ZNF836: variants seen among roughly 807,000 people sequenced by gnomAD.
ZNF836 encodes the protein zinc finger protein 836.
Under a neutral mutation model 7.4 loss-of-function variants are expected in ZNF836, and 12 were observed. That is an observed-to-expected ratio of 1.61 (90% CI 1.03 to 2.61). ZNF836 has a LOEUF of 2.61. Ranked by LOEUF, ZNF836 falls within the 30% of genes most tolerant of loss-of-function variation. ZNF836 has a pLI of 0.00. For missense variants in ZNF836, 998 were observed against 1,126.2 expected (o/e 0.89, Z 1.63); for synonymous variants, 365 against 382.6 (o/e 0.95, Z 0.54).
intron 4 of ZNF836, among the ~76,000 whole-genome samples, chr19:52,157,834 G>A (rs1237555106): frequency 1.3e-5 from 2 of 152,110 alleles, no homozygotes; most frequent in Non-Finnish European, 2.9e-5. Context: ...CCCACAAAGT[G>A]CTGGGATTAC....
In ZNF836 at chr19:52,156,639, A is replaced by G; in HGVS notation, c.1044T>C (p.His348=). Reference sequence around the variant, plus strand: ...GTTTCTCTCCTGTATGGATTATCTGATGTGTAGTGAGGCATGAGCCTTGTT... The same window carrying G: ...GTTTCTCTCCTGTATGGATTATCTGGTGTGTAGTGAGGCATGAGCCTTGTT... ...TFKQGSCLTT[H]QIIHTGEKPY... is the part of the protein sequence containing the mutation. Residue 348 remains histidine (H), a synonymous_variant, in exon 5 of 5, where the codon CAT becomes CAC. Coordinates refer to ENST00000682614, the MANE Select transcript of ZNF836 (RefSeq NM_001102657.3). 1 of 1,613,418 alleles carries G rather than the reference A, an allele frequency of 6.2e-7. No individual in the cohort carries two copies. The highest frequency in any genetic ancestry group is 2.2e-5 in the East Asian group (1 of 44,870).
chr19:52,171,208 G>C (rs1313575771), intron 1 of ZNF836, 128 bp downstream of exon 1: 4 of 152,436 alleles, frequency 2.6e-5, no homozygotes, highest in Admixed American at 6.5e-5. Context: ...GCAGAGGTCA[G>C]TAAGGGTTTT....
At chr19:52,164,128 C>T (rs949947322) in intron 3 of ZNF836, among the ~76,000 whole-genome samples, 2 of 151,358 alleles carry the variant, frequency 1.3e-5, no homozygotes, top group African/African-American at 2.4e-5. Context: ...CAGTGGCTCA[C>T]GACCTGTAAT....
Position 52,154,910 on chromosome 19 carries a change from T to C in ZNF836, c.2773A>G (p.Lys925Glu). 6.5e-7 allele frequency: 1 copy of C among 1,537,754 alleles called. No individual in the cohort carries two copies. Residue 925 changes from lysine (K) to glutamate (E), a missense_variant, in exon 5 of 5, where the codon AAG becomes GAG. Transcript: ENST00000682614. ...ESLKTKFNVE[K>E]PLDVLLTSGF... is the part of the protein sequence containing the mutation. ...GAAGTTAGGAGAACATCTAAAGGCT[T>C]TTCCACATTGAATTTTGTTTTAAGA...
intron 4 of ZNF836, chr19:52,160,186 T>TAA (rs35190507): frequency 2.1e-3 from 775 of 369,052 alleles, no homozygotes; most frequent in Middle Eastern, 2.8e-3. Flanking sequence ...CTGTCTCCAT[T>TAA]AAAAAAAAAA....
chr19:52,167,472 C>CAAAAAAAA, intron 3 of ZNF836, among the ~76,000 whole-genome samples: 1 of 44,108 alleles, frequency 2.3e-5, no homozygotes, highest in Non-Finnish European at 3.9e-5. Flanking sequence ...AACTCCGTCT[C>CAAAAAAAA]AAAAAAAAAA....
At chr19:52,162,406 G>T (rs568185308) in intron 3 of ZNF836, among the ~76,000 whole-genome samples, 1 of 152,324 alleles carries the variant, frequency 6.6e-6, no homozygotes, top group South Asian at 2.1e-4. Context: ...AATCTAGATG[G>T]AAGTAACCGT....
At chr19:52,166,244 C>G (rs945999405) in intron 3 of ZNF836, among the ~76,000 whole-genome samples, 2 of 152,132 alleles carry the variant, frequency 1.3e-5, no homozygotes, top group Non-Finnish European at 2.9e-5. Flanking sequence ...CCTGCCTCAG[C>G]CTTCAAAAGT....
At chr19:52,168,241 G>T in intron 2 of ZNF836, 89 bp from the exon 3 acceptor site, 1 of 783,146 alleles carries the variant, frequency 1.3e-6, no homozygotes, top group South Asian at 1.9e-5. Context: ...ACCTCAGCAT[G>T]TGGAGAGACA....
Position 52,154,734 on chromosome 19 carries a change from C to CT in ZNF836, c.*137dup. 1.3e-6 allele frequency: 1 copy of CT among 764,046 alleles called. No homozygotes were observed. Among genetic ancestry groups the CT allele is most frequent in the Non-Finnish European group, 2.0e-6 (1 of 500,310 alleles). 47.3% of individuals were successfully genotyped at this position (764,046 alleles called of 1,614,324 possible). A position where few individuals can be genotyped will look rare whatever the true frequency, so the allele number is the denominator to read the frequency against. On this transcript the variant is annotated 3_prime_UTR_variant, in exon 5 of 5. Coordinates refer to ENST00000682614, the MANE Select transcript of ZNF836 (RefSeq NM_001102657.3). ...CAAGAAGAGCAAAAAGCGGGTGGTG[C>CT]TAAACCATTCTTGAGAAATCCACCC...
At chr19:52,159,415 A>G (rs867359906) in intron 4 of ZNF836, among the ~76,000 whole-genome samples, 1 of 152,188 alleles carries the variant, frequency 6.6e-6, no homozygotes. Flanking sequence ...TAAGACATGA[A>G]CCTGGGTTTC....
Position 52,156,784 on chromosome 19 carries a change from T to A in ZNF836, c.899A>T (p.Lys300Ile), listed in dbSNP as rs779468954. Residue 300 changes from lysine to isoleucine, a missense_variant, in exon 5 of 5, where the codon AAA becomes ATA. Coordinates refer to ENST00000682614, the MANE Select transcript of ZNF836 (RefSeq NM_001102657.3). ...GCCACATTCATTACATTTGTACGGT[T>A]TCTCTCCAGTGTGACTTCTCCGGTG... ...VNHRRSHTGE[K>I]PYKCNECGKS... 7.4e-6 allele frequency: 12 copies of A among 1,614,034 alleles called. No individual in the cohort carries two copies. The South Asian group carries it at 9.9e-5, about 13-fold the overall frequency.
chr19:52,160,539 T>C lies in ZNF836; in HGVS notation c.68A>G (p.Lys23Arg). 1 of 1,613,932 alleles carries C rather than the reference T, an allele frequency of 6.2e-7. No homozygotes were observed. Among genetic ancestry groups the C allele is most frequent in the Non-Finnish European group, 8.5e-7 (1 of 1,179,960 alleles). ...VAIEFSQEEWKSLDPVQKALY... is the reference protein window; with the variant it reads ...VAIEFSQEEWRSLDPVQKALY... ...AGCTTTCTGCACAGGGTCCAGGGATTTCCACTCCTCCTGAGAGAATTCTAT... is the reference window on the plus strand; with the variant it reads ...AGCTTTCTGCACAGGGTCCAGGGATCTCCACTCCTCCTGAGAGAATTCTAT... Residue 23 changes from lysine to arginine, a missense_variant, in exon 4 of 5, where the codon AAA becomes AGA. Coordinates refer to ENST00000682614, the MANE Select transcript of ZNF836 (RefSeq NM_001102657.3).
Position 52,157,270 on chromosome 19 carries a change from T to C in ZNF836, c.413A>G (p.Glu138Gly). 1 of 1,605,726 alleles carries C rather than the reference T, an allele frequency of 6.2e-7. No individual in the cohort carries two copies. Among genetic ancestry groups the C allele is most frequent in the East Asian group, 2.2e-5 (1 of 44,768 alleles). The change falls in exon 5 of 5, where the codon GAA becomes GGA. Residue 138 changes from glutamate to glycine, a missense_variant. Coordinates refer to ENST00000682614, the MANE Select transcript of ZNF836 (RefSeq NM_001102657.3). ...SQEDVENKCI[E>G]NQLTLSFQSR... Reference sequence around the variant, plus strand: ...CTGAAAGCTTAATGTAAGCTGATTTTCAATACATTTGTTTTCTACATCCTC... The same window carrying C: ...CTGAAAGCTTAATGTAAGCTGATTTCCAATACATTTGTTTTCTACATCCTC...
chr19:52,156,202 C>A lies in ZNF836; in HGVS notation c.1481G>T (p.Gly494Val). 6.2e-7 allele frequency: 1 copy of A among 1,614,210 alleles called. No homozygotes were observed. Residue 494 changes from glycine to valine, a missense_variant, in exon 5 of 5, where the codon GGA (glycine) becomes GTA (valine). Physicochemically the swap from Gly to Val is moderately radical, Grantham distance 109 (BLOSUM62 -3). Coordinates refer to ENST00000682614, the MANE Select transcript of ZNF836 (RefSeq NM_001102657.3). Reference protein sequence around the residue: ...HLVGHRRIHTGEKPYKCDKCG... With the variant: ...HLVGHRRIHTVEKPYKCDKCG... The stretch of plus-strand genomic sequence containing the variant: ...TTTATCACATTTGTAAGGTTTCTCT[C>A]CAGTATGAATTCTCCGATGCCCCAC...
chr19:52,154,803 G>A lies in ZNF836; in HGVS notation c.*69C>T, dbSNP rs2089135534. 4.2e-5 allele frequency: 57 copies of A among 1,356,892 alleles called. No homozygotes were observed. The highest frequency in any genetic ancestry group is 5.5e-5 in the Non-Finnish European group (56 of 1,019,582). 84.1% of individuals were successfully genotyped at this position (1,356,892 alleles called of 1,614,324 possible). A position where few individuals can be genotyped will look rare whatever the true frequency, so the allele number is the denominator to read the frequency against. On this transcript the variant is annotated 3_prime_UTR_variant, in exon 5 of 5. Transcript: ENST00000682614. ...CCACCAGGCCCCACCTCCAATAAAG[G>A]GGATTAAAATTCCACATGAGATTTC...
Position 52,155,528 on chromosome 19 carries a change from C to T in ZNF836, c.2155G>A (p.Glu719Lys), listed in dbSNP as rs2089145788. The T allele has an allele frequency of 8.1e-6, 13 of 1,613,822 alleles. No homozygotes were observed. The highest frequency in any genetic ancestry group is 1.1e-5 in the Non-Finnish European group (13 of 1,179,898). The change falls in exon 5 of 5, where the codon GAG (glutamate) becomes AAG (lysine). Residue 719 changes from glutamate to lysine, a missense_variant. Transcript: ENST00000682614. The stretch of plus-strand genomic sequence containing the variant: ...CAATGGCTACATTTGTGTGGTTTCT[C>T]CCCAGTAGGATTTCTGTGATATCTT... ...LARYHRNPTG[E>K]KPHKCSHCGR... is the part of the protein sequence containing the mutation.
rs1457652238 is a variant in ZNF836, at chr19:52,168,144, A to C, written c.-72T>G. On this transcript the variant is annotated 5_prime_UTR_variant, in exon 3 of 5. Coordinates refer to ENST00000682614, the MANE Select transcript of ZNF836 (RefSeq NM_001102657.3). Reference sequence around the variant, plus strand: ...TCAGTCAATATAATTAATTCTTTACAAGTCAAATCTGAAAGTGAAAAATCT... The same window carrying C: ...TCAGTCAATATAATTAATTCTTTACCAGTCAAATCTGAAAGTGAAAAATCT... 4.5e-6 allele frequency: 7 copies of C among 1,570,398 alleles called. No individual in the cohort carries two copies. Among genetic ancestry groups the C allele is most frequent in the Non-Finnish European group, 4.3e-6 (5 of 1,164,152 alleles).
chr19:52,160,281 A>T, intron 4 of ZNF836, 184 bp downstream of exon 4: 4 of 672,452 alleles, frequency 5.9e-6, no homozygotes, highest in Middle Eastern at 4.0e-4. Flanking sequence ...AGACATTCAA[A>T]AAGGGGATAG....
Sources: allele counts gnomAD v4.1 joint callset (sites outside exome capture counted in the v4.1 genomes callset), GRCh38; gene constraint gnomAD v4.1.1; transcripts MANE v1.5; gene names NCBI Gene and HGNC (gene_info 2026-07-23, HGNC 2026-07-21).